The following TRDN variants were observed in gnomAD, a reference collection of about 807,000 sequenced individuals.
The protein encoded by TRDN is triadin in skeletal muscle.
In TRDN, 161 loss-of-function variants were observed where a neutral mutation model predicts 149.7. That is an observed-to-expected ratio of 1.08 (90% CI 0.95 to 1.23). TRDN has a LOEUF of 1.23. Ranked by LOEUF, TRDN falls within the 50% of genes most tolerant of loss-of-function variation. TRDN has a pLI of 0.00. For synonymous variants in TRDN, 294 were observed against 250.5 expected (o/e 1.17, Z -1.64); for missense variants, 896 against 823.5 (o/e 1.09, Z -1.08).
In TRDN at chr6:123,405,459, C is replaced by T. The variant is rs142749136; in HGVS notation, c.1052-11782G>A. 3.9e-5 allele frequency among the ~76,000 whole-genome samples: 6 copies of T among 152,234 alleles called. No individual in the cohort carries two copies. The East Asian group carries it at 1.2e-3, about 29-fold the overall frequency. On this transcript the variant is annotated intron_variant, in intron 12 of 40. Transcript: ENST00000334268. ...AATTTTTATAAATATGAACTATACG[C>T]TGAGTTTTAAAATTAAAGAGTTTGG...
chr6:123,278,402 T>G lies in TRDN; in HGVS notation c.1538-55A>C, dbSNP rs1777454837. ...TGATTATAGAAAGATATTCATTTCC[T>G]ATATACTTGTGCATATTTATTTTTA... On this transcript the variant is annotated intron_variant, in intron 25 of 40. Transcript: ENST00000334268. 3.8e-6 allele frequency: 4 copies of G among 1,052,204 alleles called. No homozygotes were observed. In the East Asian group the frequency reaches 1.4e-4, roughly 37 times the overall value. 65.2% of individuals were successfully genotyped at this position (1,052,204 alleles called of 1,614,324 possible).
chr6:123,405,315 G>T (rs1393218392), intron 12 of TRDN, among the ~76,000 whole-genome samples: 1 of 152,172 alleles, frequency 6.6e-6, no homozygotes, highest in Non-Finnish European at 1.5e-5. Flanking sequence ...CAAGTTATTG[G>T]TCTTCTAACA....
chr6:123,432,160 G>T (rs1774363091), intron 12 of TRDN, among the ~76,000 whole-genome samples: 2 of 152,130 alleles, frequency 1.3e-5, no homozygotes, highest in Non-Finnish European at 2.9e-5. Context: ...TATTGTAAAT[G>T]AATGATCCTT....
chr6:123,583,618 T>G (rs111946780), intron 1 of TRDN, among the ~76,000 whole-genome samples: 24,945 of 148,622 alleles, frequency 0.17, 2,385 homozygotes, highest in African/African-American at 0.24. Context: ...AATAAAAGCT[T>G]GTCTGTTATC....
chr6:123,524,811 G>A (rs1415373959), intron 5 of TRDN, among the ~76,000 whole-genome samples: 4 of 151,992 alleles, frequency 2.6e-5, no homozygotes, highest in Non-Finnish European at 4.4e-5. Context: ...TCTTACTTTT[G>A]CTATGCTGAT....
At chr6:123,368,873 A>T (rs1336984597) in intron 19 of TRDN, among the ~76,000 whole-genome samples, 1 of 151,960 alleles carries the variant, frequency 6.6e-6, no homozygotes, top group Non-Finnish European at 1.5e-5. Flanking sequence ...TCATATCCTC[A>T]CTTTACTTCT....
chr6:123,599,130 C>A (rs147179376), intron 1 of TRDN, among the ~76,000 whole-genome samples: 2 of 152,186 alleles, frequency 1.3e-5, no homozygotes, highest in African/African-American at 2.4e-5. Flanking sequence ...AACTCCCTAA[C>A]TATTAATTGA....
chr6:123,510,765 T>G (rs1345557780), intron 7 of TRDN, among the ~76,000 whole-genome samples: 1 of 152,020 alleles, frequency 6.6e-6, no homozygotes, highest in Non-Finnish European at 1.5e-5. Flanking sequence ...TGTCTCAGCC[T>G]TCTGAGTAGC....
At chr6:123,567,758 A>G (rs1782366333) in intron 2 of TRDN, among the ~76,000 whole-genome samples, 1 of 152,194 alleles carries the variant, frequency 6.6e-6, no homozygotes, top group South Asian at 2.1e-4. Context: ...CTATTAAACA[A>G]TAATCTTCCA....
At chr6:123,426,231 G>GA (rs1156261339) in intron 12 of TRDN, among the ~76,000 whole-genome samples, 3 of 151,788 alleles carry the variant, frequency 2.0e-5, no homozygotes, top group African/African-American at 4.8e-5. Flanking sequence ...TATTTTCTGA[G>GA]AAAAAAAGGA....
intron 38 of TRDN, among the ~76,000 whole-genome samples, chr6:123,235,838 C>T (rs973425045): frequency 4.6e-5 from 7 of 152,174 alleles, no homozygotes; most frequent in African/African-American, 1.4e-4. Context: ...GAAGAAATAA[C>T]GTATTTGAAT....
At chr6:123,306,899 A>G (rs927017475) in intron 24 of TRDN, among the ~76,000 whole-genome samples, 2 of 151,954 alleles carry the variant, frequency 1.3e-5, no homozygotes, top group Non-Finnish European at 2.9e-5. Context: ...GGTAAAGAAA[A>G]AAAAAGAAAT....
At chr6:123,305,846 T>G (rs2114679249) in intron 24 of TRDN, among the ~76,000 whole-genome samples, 1 of 152,280 alleles carries the variant, frequency 6.6e-6, no homozygotes, top group Middle Eastern at 3.4e-3. Flanking sequence ...CTATCACAAC[T>G]TTTTGTTCAA....
At chr6:123,585,649 A>G (rs370028559) in intron 1 of TRDN, among the ~76,000 whole-genome samples, 6 of 152,164 alleles carry the variant, frequency 3.9e-5, no homozygotes, top group Non-Finnish European at 7.4e-5. Context: ...TGAGTTGGAC[A>G]GTCCGATTTC....
intron 1 of TRDN, among the ~76,000 whole-genome samples, chr6:123,581,173 T>G (rs1783102339): frequency 6.6e-6 from 1 of 152,220 alleles, no homozygotes; most frequent in Non-Finnish European, 1.5e-5. Context: ...CTGATGAATC[T>G]GTATTTATTT....
Position 123,331,189 on chromosome 6 carries a change from G to A in TRDN, c.1471+690C>T, listed in dbSNP as rs370028990. On this transcript the variant is annotated intron_variant, in intron 23 of 40. Coordinates refer to ENST00000334268, the MANE Select transcript of TRDN (RefSeq NM_006073.4). ...ATTAGTTAGAAATTTTATGTTTTACGTTGAATTTGGCAAGTTTATTTGTGT... is the reference window on the plus strand; with the variant it reads ...ATTAGTTAGAAATTTTATGTTTTACATTGAATTTGGCAAGTTTATTTGTGT... Among the ~76,000 whole-genome samples, 46 of 152,104 alleles carry A rather than the reference G, an allele frequency of 3.0e-4. No individual in the cohort carries two copies. The East Asian group carries it at 6.9e-3, about 23-fold the overall frequency.
At chr6:123,418,990 T>C (rs180779745) in intron 12 of TRDN, among the ~76,000 whole-genome samples, 4 of 152,210 alleles carry the variant, frequency 2.6e-5, no homozygotes, top group Non-Finnish European at 5.9e-5. Flanking sequence ...TCTGGTATTC[T>C]AAACCTCTAG....
chr6:123,332,457 T>C (rs1779695285), intron 22 of TRDN, among the ~76,000 whole-genome samples: 1 of 152,176 alleles, frequency 6.6e-6, no homozygotes, highest in South Asian at 2.1e-4. Flanking sequence ...CTATAAACTT[T>C]TAAAGTCTTC....
intron 12 of TRDN, among the ~76,000 whole-genome samples, chr6:123,404,508 A>C (rs1431264943): frequency 1.3e-5 from 2 of 151,970 alleles, no homozygotes; most frequent in Admixed American, 1.3e-4. Flanking sequence ...GAGTGCAGTG[A>C]TGAGATCTCA....
Sources: gnomAD v4.1 joint callset for allele counts (sites outside exome capture counted in the v4.1 genomes callset) on GRCh38, gnomAD v4.1.1 for gene constraint, MANE v1.5 for transcripts, NCBI Gene and HGNC (gene_info 2026-07-23, HGNC 2026-07-21) for gene names.